MACROH2A1: variants seen among roughly 807,000 people sequenced by gnomAD.
MACROH2A1 encodes macroH2A.1 histone, also known as core histone macro-H2A.1.
Under a neutral mutation model 31.6 loss-of-function variants are expected in MACROH2A1, and 2 were observed. That is an observed-to-expected ratio of 0.06 (90% CI 0.03 to 0.20). The LOEUF (loss-of-function observed/expected upper bound fraction) is 0.20. MACROH2A1 is among the 10% of genes least tolerant of loss of function. MACROH2A1 has a pLI of 1.00. For missense variants in MACROH2A1, 230 were observed against 474.0 expected (o/e 0.49, Z 4.78); for synonymous variants, 169 against 189.6 (o/e 0.89, Z 0.89).
chr5:135,337,346 C>A (rs1335735442), intron 8 of MACROH2A1, among the ~76,000 whole-genome samples: 2 of 146,498 alleles, frequency 1.4e-5, no homozygotes, highest in Non-Finnish European at 3.0e-5. Context: ...ATGATGCAGA[C>A]ACAGTGTAGC....
intron 1 of MACROH2A1, 41 bp from the exon 2 acceptor site, chr5:135,389,167 C>T: frequency 6.8e-7 from 1 of 1,463,570 alleles, no homozygotes; most frequent in Non-Finnish European, 9.4e-7. Flanking sequence ...TGGCTGGGGA[C>T]AGCACATGTC....
At chr5:135,368,771 C>T (rs1220762693) in intron 4 of MACROH2A1, among the ~76,000 whole-genome samples, 2 of 152,212 alleles carry the variant, frequency 1.3e-5, no homozygotes, top group Admixed American at 6.5e-5. Flanking sequence ...GAGGGTGCTC[C>T]TCCACACTGA....
At chr5:135,358,748 T>A in intron 5 of MACROH2A1, 2 of 960,896 alleles carry the variant, frequency 2.1e-6, no homozygotes, top group Non-Finnish European at 2.5e-6. Context: ...TTCTATGGCT[T>A]TTTGTATCCT....
chr5:135,337,519 T>C (rs936194921), intron 8 of MACROH2A1, among the ~76,000 whole-genome samples: 12 of 152,288 alleles, frequency 7.9e-5, no homozygotes, highest in African/African-American at 2.9e-4. Context: ...TACAAAAGAG[T>C]ATGTGACTTT....
intron 2 of MACROH2A1, among the ~76,000 whole-genome samples, chr5:135,383,697 T>C (rs1481871402): frequency 7.6e-6 from 1 of 131,524 alleles, no homozygotes; most frequent in African/African-American, 3.5e-5. Flanking sequence ...TGTGATGTGG[T>C]GTGGTGTGTG....
intron 1 of MACROH2A1, among the ~76,000 whole-genome samples, chr5:135,392,537 C>A (rs1319828455): frequency 6.6e-6 from 1 of 152,200 alleles, no homozygotes; most frequent in Non-Finnish European, 1.5e-5. Flanking sequence ...GCCATGAAGC[C>A]TTATGACATC....
At chr5:135,340,600 G>T (rs1181053998) in intron 8 of MACROH2A1, among the ~76,000 whole-genome samples, 4 of 152,240 alleles carry the variant, frequency 2.6e-5, no homozygotes, top group African/African-American at 9.6e-5. Flanking sequence ...CACAGGTGTG[G>T]TTATGGTCAT....
chr5:135,395,947 C>T (rs1391005465), intron 1 of MACROH2A1, among the ~76,000 whole-genome samples: 5 of 152,216 alleles, frequency 3.3e-5, no homozygotes, highest in African/African-American at 4.8e-5. Flanking sequence ...ATGTGTCTTA[C>T]TCCTGTTATG....
chr5:135,390,989 G>A (rs1767156698), intron 1 of MACROH2A1, among the ~76,000 whole-genome samples: 1 of 152,174 alleles, frequency 6.6e-6, no homozygotes, highest in South Asian at 2.1e-4. Flanking sequence ...CTGTCAAGGA[G>A]CACCCAGTCT....
intron 1 of MACROH2A1, among the ~76,000 whole-genome samples, chr5:135,396,757 C>T (rs1260086391): frequency 6.6e-6 from 1 of 152,106 alleles, no homozygotes; most frequent in East Asian, 1.9e-4. Flanking sequence ...CTAGGCATTT[C>T]TTAATCACGG....
At chr5:135,380,991 C>G (rs1765586226) in intron 2 of MACROH2A1, among the ~76,000 whole-genome samples, 1 of 151,998 alleles carries the variant, frequency 6.6e-6, no homozygotes, top group Non-Finnish European at 1.5e-5. Flanking sequence ...AGTAAAAAGA[C>G]AAAGACCTAC....
At chr5:135,396,396 T>C (rs985033000) in intron 1 of MACROH2A1, among the ~76,000 whole-genome samples, 1 of 152,206 alleles carries the variant, frequency 6.6e-6, no homozygotes, top group African/African-American at 2.4e-5. Context: ...GCTCTTAGGA[T>C]AAAGTGTGGG....
At chr5:135,377,774 G>T (rs1765091169) in intron 2 of MACROH2A1, among the ~76,000 whole-genome samples, 1 of 152,198 alleles carries the variant, frequency 6.6e-6, no homozygotes, top group Non-Finnish European at 1.5e-5. Context: ...GCTATCGGCT[G>T]CCCCAGCTGG....
rs1276488648 is a variant in MACROH2A1 at position 135,398,879 on chromosome 5, G to A, written c.-34+183C>T. 1.3e-5 allele frequency among the ~76,000 whole-genome samples: 2 copies of A among 151,002 alleles called. No individual in the cohort carries two copies. Among genetic ancestry groups the A allele is most frequent in the Non-Finnish European group, 3.0e-5 (2 of 67,648 alleles). On this transcript the variant is annotated intron_variant, in intron 1 of 8. Coordinates refer to ENST00000511689, the MANE Select transcript of MACROH2A1 (RefSeq NM_138610.3). This position sits in a 1 kb window ranked among gnomAD's most constrained non-coding sequence, Gnocchi z 4.6. ...AACCAAAGGGAATCCCGCGCGGCCC[G>A]ACAAGGCCTGGGAGGACGTAGTGCA...
intron 1 of MACROH2A1, among the ~76,000 whole-genome samples, chr5:135,397,487 G>T (rs1184714273): frequency 6.6e-6 from 1 of 152,150 alleles, no homozygotes; most frequent in African/African-American, 2.4e-5. Context: ...CCCTCTTAAT[G>T]CCTTATCTAG....
chr5:135,382,063 T>C (rs1581321346), intron 2 of MACROH2A1, among the ~76,000 whole-genome samples: 1 of 152,242 alleles, frequency 6.6e-6, no homozygotes, highest in Non-Finnish European at 1.5e-5. Flanking sequence ...AAGGTCTAGA[T>C]GAAAAGAAGG....
Position 135,334,912 on chromosome 5 carries a change from ATTTT to A in MACROH2A1, c.*60_*63del. 3.8e-6 allele frequency: 5 copies of A among 1,322,032 alleles called. No homozygotes were observed. The highest frequency in any genetic ancestry group is 5.3e-6 in the Non-Finnish European group (5 of 950,950). 81.9% of individuals were successfully genotyped at this position (1,322,032 alleles called of 1,614,324 possible). ...CCACCTCCCAGTAGGAGTGAAGGGG[ATTTT>A]TTTTTTCTTTTAAACTGAAGGTGGG... On this transcript the variant is annotated 3_prime_UTR_variant, in exon 9 of 9. Coordinates refer to ENST00000511689, the MANE Select transcript of MACROH2A1 (RefSeq NM_138610.3).
intron 5 of MACROH2A1, 100 bp downstream of exon 5, chr5:135,360,397 G>T: frequency 1.3e-6 from 1 of 793,946 alleles, no homozygotes. Flanking sequence ...CACGAGGCTG[G>T]GAGTGGCCCC....
At chr5:135,395,798 TA>T (rs1400916933) in intron 1 of MACROH2A1, among the ~76,000 whole-genome samples, 1 of 152,164 alleles carries the variant, frequency 6.6e-6, no homozygotes, top group African/African-American at 2.4e-5. Flanking sequence ...TCTCCATTCA[TA>T]AAACACCATA....
Sources: gnomAD v4.1 joint callset for allele counts (sites outside exome capture counted in the v4.1 genomes callset) on GRCh38, gnomAD v4.1.1 for gene constraint, Gnocchi (gnomAD v3.1) non-coding constraint, MANE v1.5 for transcripts, NCBI Gene and HGNC (gene_info 2026-07-23, HGNC 2026-07-21) for gene names.